Variants in SORCS2 observed in about 807,000 individuals in gnomAD.
SORCS2 encodes the protein sortilin related VPS10 domain containing receptor 2, also known as VPS10 domain-containing receptor SorCS2.
Under a neutral mutation model 141.6 loss-of-function variants are expected in SORCS2, and 100 were observed. The ratio of observed to expected loss-of-function variants is 0.71; its 90% CI spans 0.60 to 0.83. SORCS2 has a LOEUF of 0.83. SORCS2 is among the 40% of genes least tolerant of loss of function. The pLI is 0.00. For missense variants in SORCS2, 1,646 were observed against 1,560.2 expected (o/e 1.05, Z -0.93); for synonymous variants, 789 against 676.9 (o/e 1.17, Z -2.57).
At chr4:7,526,529 C>T (rs973249982) in intron 2 of SORCS2, among the ~76,000 whole-genome samples, 6 of 150,714 alleles carry the variant, frequency 4.0e-5, no homozygotes, top group Admixed American at 6.6e-5. Flanking sequence ...GGGGATGAAT[C>T]GGCGGAGAAC....
chr4:7,292,074 G>A (rs1716640867), intron 1 of SORCS2, among the ~76,000 whole-genome samples: 1 of 152,198 alleles, frequency 6.6e-6, no homozygotes, highest in Non-Finnish European at 1.5e-5. Flanking sequence ...AACCAGACCA[G>A]CCTCACAGAA....
At chr4:7,255,879 G>A (rs572806024) in intron 1 of SORCS2, among the ~76,000 whole-genome samples, 89 of 36,008 alleles carry the variant, frequency 2.5e-3, no homozygotes, top group Middle Eastern at 0.012. Context: ...GGGCCCCGGG[G>A]CTGGAGCGTG....
chr4:7,547,637 C>A (rs1266724459), intron 3 of SORCS2, among the ~76,000 whole-genome samples: 1 of 152,212 alleles, frequency 6.6e-6, no homozygotes, highest in African/African-American at 2.4e-5. Context: ...TGGTTCAGAT[C>A]CTGCCTCCTT....
At chr4:7,237,825 T>G (rs180765414) in intron 1 of SORCS2, among the ~76,000 whole-genome samples, 26 of 152,120 alleles carry the variant, frequency 1.7e-4, no homozygotes, top group Non-Finnish European at 2.8e-4. Context: ...TTTCTCCTTC[T>G]GCTTGACATA....
At chr4:7,436,347 C>T (rs1326088670) in intron 2 of SORCS2, among the ~76,000 whole-genome samples, 1 of 152,240 alleles carries the variant, frequency 6.6e-6, no homozygotes, top group East Asian at 1.9e-4. Context: ...CATCGCCTGA[C>T]ATTCCCAGGG....
chr4:7,403,999 T>TA lies in SORCS2; in HGVS notation c.548+7644_548+7645insA, dbSNP rs57250297. 6.3e-3 allele frequency among the ~76,000 whole-genome samples: 47 copies of TA among 7,514 alleles called. 1 individual carries two copies. Among genetic ancestry groups the TA allele is most frequent in the African/African-American group, 0.015 (45 of 3,090 alleles). The allele number at this position is 7,514 out of a possible 152,430, so 4.9% of individuals were successfully genotyped here. A position where few individuals can be genotyped will look rare whatever the true frequency, so the allele number is the denominator to read the frequency against. ...TATATATATATATATATATATATAT[T>TA]TTTTTTTTTTTTTTAGTATCCATTT... On this transcript the variant is annotated intron_variant, in intron 2 of 26. Coordinates refer to ENST00000507866, the MANE Select transcript of SORCS2 (RefSeq NM_020777.3).
chr4:7,201,337 C>G lies in SORCS2; in HGVS notation c.480+8211C>G, dbSNP rs1727473991. On this transcript the variant is annotated intron_variant, in intron 1 of 26. Transcript: ENST00000507866. The surrounding 1 kb of genome is among the most constrained non-coding windows in gnomAD (Gnocchi z 4.4). The stretch of plus-strand genomic sequence containing the variant: ...CAGCCCTGTTAATAAAGTTGCTGAG[C>G]ACATTTCACAAATCCACTTTTACTT... Among the ~76,000 whole-genome samples the G allele has an allele frequency of 6.6e-6, 1 of 152,186 alleles. No individual in the cohort carries two copies. The highest frequency in any genetic ancestry group is 1.5e-5 in the Non-Finnish European group (1 of 68,042).
intron 1 of SORCS2, among the ~76,000 whole-genome samples, chr4:7,293,105 C>G (rs1205974455): frequency 6.6e-6 from 1 of 152,076 alleles, no homozygotes; most frequent in Admixed American, 6.5e-5. Flanking sequence ...GAGATCGAGA[C>G]TATCCTGGCT....
In SORCS2 at chr4:7,526,510, C is replaced by T. The variant is rs964219256; in HGVS notation, c.549-5020C>T. Among the ~76,000 whole-genome samples, 7 of 151,772 alleles carry T rather than the reference C, an allele frequency of 4.6e-5. No individual in the cohort carries two copies. The South Asian group carries it at 1.0e-3, about 23-fold the overall frequency. On this transcript the variant is annotated intron_variant, in intron 2 of 26. Transcript: ENST00000507866. ...GGATCGGTGGTTGCCAGGAGGCGGG[C>T]GGGGTGAGGGGGATGAATCGGCGGA...
chr4:7,598,061 C>T (rs1318013930), intron 3 of SORCS2, among the ~76,000 whole-genome samples: 2 of 151,760 alleles, frequency 1.3e-5, no homozygotes, highest in East Asian at 3.9e-4. Flanking sequence ...CTCTGTCTCC[C>T]AGGTTCAAAT....
chr4:7,701,351 T>C (rs936138495), intron 12 of SORCS2, among the ~76,000 whole-genome samples: 17 of 152,180 alleles, frequency 1.1e-4, no homozygotes, highest in Admixed American at 1.1e-3. Flanking sequence ...GGATCCTCTC[T>C]TCTTTATCCA....
intron 10 of SORCS2, 117 bp downstream of exon 10, chr4:7,683,006 C>G (rs542906188): frequency 5.9e-5 from 75 of 1,274,336 alleles, no homozygotes; most frequent in Non-Finnish European, 7.8e-5. Context: ...GACACATGAA[C>G]CACCTATTTC....
intron 8 of SORCS2, among the ~76,000 whole-genome samples, chr4:7,675,824 G>A (rs1377568756): frequency 1.3e-5 from 2 of 152,148 alleles, no homozygotes; most frequent in African/African-American, 4.8e-5. Context: ...GCATCCCAAC[G>A]CCATCCCCAT....
rs151271360 is a variant in SORCS2, at chr4:7,365,345, A to G, written c.481-30943A>G. 5.1e-3 allele frequency among the ~76,000 whole-genome samples: 777 copies of G among 152,082 alleles called. 8 individuals carry two copies. The highest frequency in any genetic ancestry group is 0.018 in the African/African-American group (741 of 41,460). ...CGCAAGGTTTGGGGGTCACTTAGGCATGCATGTGGGTGGGGAAGGGGTGTG... is the reference window on the plus strand; with the variant it reads ...CGCAAGGTTTGGGGGTCACTTAGGCGTGCATGTGGGTGGGGAAGGGGTGTG... On this transcript the variant is annotated intron_variant, in intron 1 of 26. Coordinates refer to ENST00000507866, the MANE Select transcript of SORCS2 (RefSeq NM_020777.3).
At chr4:7,493,390 C>T (rs1178928354) in intron 2 of SORCS2, among the ~76,000 whole-genome samples, 2 of 152,152 alleles carry the variant, frequency 1.3e-5, no homozygotes, top group Non-Finnish European at 1.5e-5. Flanking sequence ...GAAAGAGGTT[C>T]GTGGAGGGGC....
rs563163621 is a variant in SORCS2, at chr4:7,741,738, A to T, written c.*1474A>T. The T allele has an allele frequency of 6.5e-6, 1 of 154,482 alleles. No homozygotes were observed. The highest frequency in any genetic ancestry group is 1.4e-5 in the Non-Finnish European group (1 of 70,398). The allele number at this position is 154,482 out of a possible 1,614,324, so 9.6% of individuals were successfully genotyped here. ...GAACGCCAGAGCCCTGGCTGGTGAC[A>T]TGCTGGCTGGGGGTGAATCCGAATG... On this transcript the variant is annotated 3_prime_UTR_variant, in exon 27 of 27. Coordinates refer to ENST00000507866, the MANE Select transcript of SORCS2 (RefSeq NM_020777.3).
intron 3 of SORCS2, among the ~76,000 whole-genome samples, chr4:7,630,069 C>A (rs554285220): frequency 1.2e-4 from 19 of 152,178 alleles, no homozygotes; most frequent in Non-Finnish European, 1.5e-5. Flanking sequence ...CAGCAGCCAC[C>A]GGCATGTCCC....
chr4:7,209,774 G>A (rs1296086326), intron 1 of SORCS2, among the ~76,000 whole-genome samples: 1 of 151,932 alleles, frequency 6.6e-6, no homozygotes, highest in Non-Finnish European at 1.5e-5. Context: ...AGAACCTACC[G>A]ACCAACCATG....
intron 2 of SORCS2, among the ~76,000 whole-genome samples, chr4:7,503,307 C>T (rs185142101): frequency 7.2e-5 from 11 of 152,246 alleles, no homozygotes; most frequent in African/African-American, 9.6e-5. Flanking sequence ...GTGAGGCTGC[C>T]GAGTTAGAAA....
Sources: gnomAD v4.1 joint callset for allele counts (sites outside exome capture counted in the v4.1 genomes callset) on GRCh38, gnomAD v4.1.1 for gene constraint, Gnocchi (gnomAD v3.1) non-coding constraint, MANE v1.5 for transcripts, NCBI Gene and HGNC (gene_info 2026-07-23, HGNC 2026-07-21) for gene names.